Variants in UBE2R2 observed in about 807,000 individuals in gnomAD.
The protein encoded by UBE2R2 is ubiquitin conjugating enzyme E2 R2, also known as ubiquitin-conjugating enzyme E2 R2.
UBE2R2 carries 1 observed loss-of-function variant against 27.8 expected under a neutral mutation model. That is an observed-to-expected ratio of 0.04 (90% confidence interval 0.01 to 0.17). The LOEUF (loss-of-function observed/expected upper bound fraction) is 0.17. Ranked by LOEUF, UBE2R2 falls within the 10% of genes least tolerant of loss-of-function variation. The pLI, the probability that UBE2R2 is intolerant of heterozygous loss-of-function variation, is 1.00. For synonymous variants in UBE2R2, 106 were observed against 113.3 expected (o/e 0.94, Z 0.41); for missense variants, 100 against 291.0 (o/e 0.34, Z 4.78).
At chr9:33,912,823 C>G (rs1822522913) in intron 4 of UBE2R2, among the ~76,000 whole-genome samples, 1 of 152,018 alleles carries the variant, frequency 6.6e-6, no homozygotes, top group African/African-American at 2.4e-5. Flanking sequence ...TTACTTTCTC[C>G]TCTGTATAAA....
At chr9:33,905,354 CAG>C (rs1822330584) in intron 3 of UBE2R2, among the ~76,000 whole-genome samples, 1 of 152,126 alleles carries the variant, frequency 6.6e-6, no homozygotes, top group South Asian at 2.1e-4. Context: ...TAAGCACAGT[CAG>C]GGGAAACAGG....
chr9:33,879,101 G>A (rs1821676194), intron 1 of UBE2R2, among the ~76,000 whole-genome samples: 1 of 152,080 alleles, frequency 6.6e-6, no homozygotes, highest in Admixed American at 6.6e-5. Context: ...GCTGGGCATG[G>A]TGTCATGGCC....
chr9:33,832,427 T>G (rs1303227322), intron 1 of UBE2R2, among the ~76,000 whole-genome samples: 2 of 151,884 alleles, frequency 1.3e-5, no homozygotes, highest in Non-Finnish European at 2.9e-5. Flanking sequence ...TAGGCTGAGG[T>G]GGGCGGATCA....
chr9:33,825,206 C>CAACAAA (rs1820287541), intron 1 of UBE2R2, among the ~76,000 whole-genome samples: 1 of 143,402 alleles, frequency 7.0e-6, no homozygotes, highest in Non-Finnish European at 1.5e-5. Context: ...GGGAGGCAAA[C>CAACAAA]AACAAAAACA....
chr9:33,822,963 G>A (rs1215020485), intron 1 of UBE2R2, among the ~76,000 whole-genome samples: 1 of 144,572 alleles, frequency 6.9e-6, no homozygotes, highest in Admixed American at 7.1e-5. Flanking sequence ...GGACTGCAGT[G>A]GTGTGATTTC....
intron 1 of UBE2R2, among the ~76,000 whole-genome samples, chr9:33,841,371 C>T (rs755687679): frequency 2.6e-4 from 40 of 152,258 alleles, no homozygotes; most frequent in South Asian, 6.2e-4. Flanking sequence ...TGAGCCACTG[C>T]GCCCAGCCTT....
Position 33,918,955 on chromosome 9 carries a change from T to TA in UBE2R2, c.*1721dup, listed in dbSNP as rs1822727373. 1 of 153,034 alleles carries TA rather than the reference T, an allele frequency of 6.5e-6. No individual in the cohort carries two copies. Among genetic ancestry groups the TA allele is most frequent in the African/African-American group, 2.4e-5 (1 of 41,422 alleles). 9.5% of individuals were successfully genotyped at this position (153,034 alleles called of 1,614,324 possible). ...CTTCCCAGCAGCCCTTCCCGGCCTC[T>TA]AAAGTTTGGTCCCAGCAGCCCTTCC... On this transcript the variant is annotated 3_prime_UTR_variant, in exon 5 of 5. Coordinates refer to ENST00000263228, the MANE Select transcript of UBE2R2 (RefSeq NM_017811.4).
chr9:33,864,414 C>T (rs149101789), intron 1 of UBE2R2, among the ~76,000 whole-genome samples: 4 of 152,198 alleles, frequency 2.6e-5, no homozygotes, highest in African/African-American at 9.6e-5. Context: ...ATAATAGAAA[C>T]TCTGAGAGCC....
chr9:33,913,624 T>G (rs1822549257), intron 4 of UBE2R2, among the ~76,000 whole-genome samples: 1 of 152,190 alleles, frequency 6.6e-6, no homozygotes, highest in Admixed American at 6.5e-5. Flanking sequence ...CAGTTACAGC[T>G]TCCTCTGTGC....
intron 1 of UBE2R2, among the ~76,000 whole-genome samples, chr9:33,824,798 G>A (rs981925793): frequency 6.6e-5 from 9 of 136,940 alleles, no homozygotes; most frequent in African/African-American, 2.6e-4. Flanking sequence ...GTGAAGCTCT[G>A]TCTCAAAAAA....
In UBE2R2 at chr9:33,903,411, C is replaced by T. The variant is rs985924806; in HGVS notation, c.362+3140C>T. Among the ~76,000 whole-genome samples, 10 of 152,244 alleles carry T rather than the reference C, an allele frequency of 6.6e-5. No individual in the cohort carries two copies. The South Asian group carries it at 1.0e-3, about 16-fold the overall frequency. ...GGTTGAACGTTGAATCAAATGCTTACACCCTCTCCCTATTTGAGAAAATAA... is the reference window on the plus strand; with the variant it reads ...GGTTGAACGTTGAATCAAATGCTTATACCCTCTCCCTATTTGAGAAAATAA... On this transcript the variant is annotated intron_variant, in intron 3 of 4. Transcript: ENST00000263228.
At chr9:33,900,020 A>T (rs1290244245) in intron 2 of UBE2R2, among the ~76,000 whole-genome samples, 154 bp from the exon 3 acceptor site, 2 of 152,192 alleles carry the variant, frequency 1.3e-5, no homozygotes, top group Non-Finnish European at 2.9e-5. Flanking sequence ...ATGCTTAATT[A>T]TTATTTATCT....
intron 1 of UBE2R2, among the ~76,000 whole-genome samples, chr9:33,877,151 A>AG (rs1219175636): frequency 6.6e-6 from 1 of 151,212 alleles, no homozygotes; most frequent in East Asian, 2.0e-4. Flanking sequence ...TAAAGTCAAA[A>AG]GGGTCACATT....
chr9:33,906,711 G>T (rs1439624941), intron 3 of UBE2R2, among the ~76,000 whole-genome samples: 5 of 152,094 alleles, frequency 3.3e-5, no homozygotes, highest in Non-Finnish European at 7.4e-5. Context: ...TTACGCATTG[G>T]GTCATACAAT....
At chr9:33,859,799 T>TGTGTGTGA (rs766779268) in intron 1 of UBE2R2, among the ~76,000 whole-genome samples, 5,151 of 86,154 alleles carry the variant, frequency 0.06, 111 homozygotes, top group Non-Finnish European at 0.078. Context: ...TGTGTGTGTG[T>TGTGTGTGA]GAGAGAGAGA....
At chr9:33,830,861 A>G (rs1820458242) in intron 1 of UBE2R2, 1 of 152,236 alleles carries the variant, frequency 6.6e-6, no homozygotes, top group Non-Finnish European at 1.5e-5. Context: ...AAAATAATTC[A>G]TATTGGCTCA....
chr9:33,846,117 C>T (rs1820840938), intron 1 of UBE2R2, among the ~76,000 whole-genome samples: 1 of 105,646 alleles, frequency 9.5e-6, no homozygotes. Context: ...CAGCAAGACT[C>T]CGTCTCAAAA....
At chr9:33,856,114 A>G (rs1821095456) in intron 1 of UBE2R2, among the ~76,000 whole-genome samples, 1 of 152,172 alleles carries the variant, frequency 6.6e-6, no homozygotes, top group Non-Finnish European at 1.5e-5. Context: ...TACCGTGTAC[A>G]CACTTGGCAA....
intron 1 of UBE2R2, among the ~76,000 whole-genome samples, chr9:33,859,792 G>GTA (rs1206654700): frequency 1.8e-5 from 2 of 109,504 alleles, no homozygotes; most frequent in South Asian, 3.3e-4. Flanking sequence ...GTGTGTGTGT[G>GTA]TGTGTGTGAG....
Sources: allele counts gnomAD v4.1 joint callset (sites outside exome capture counted in the v4.1 genomes callset), GRCh38; gene constraint gnomAD v4.1.1; transcripts MANE v1.5; gene names NCBI Gene and HGNC (gene_info 2026-07-23, HGNC 2026-07-21).